Variants in KCTD16 observed in about 807,000 individuals in gnomAD.
The protein encoded by KCTD16 is potassium channel tetramerization domain containing 16.
Under a neutral mutation model 33.2 loss-of-function variants are expected in KCTD16, and 13 were observed. The ratio of observed to expected loss-of-function variants is 0.39; its 90% confidence interval spans 0.25 to 0.62. The LOEUF is 0.62. Among genes scored for constraint, KCTD16 ranks in the 20% least tolerant of loss-of-function variants. The pLI, the probability that KCTD16 is intolerant of heterozygous loss-of-function variation, is 0.50. For synonymous variants in KCTD16, 197 were observed against 195.3 expected (o/e 1.01, Z -0.07); for missense variants, 441 against 525.1 (o/e 0.84, Z 1.57).
intron 3 of KCTD16, among the ~76,000 whole-genome samples, chr5:144,428,070 C>T (rs1753374643): frequency 6.6e-6 from 1 of 152,128 alleles, no homozygotes; most frequent in Non-Finnish European, 1.5e-5. Context: ...AGAGGCTGTG[C>T]ATGCTCCATT....
At chr5:144,390,439 G>A (rs1385118994) in intron 3 of KCTD16, among the ~76,000 whole-genome samples, 2 of 152,118 alleles carry the variant, frequency 1.3e-5, no homozygotes, top group East Asian at 1.9e-4. Context: ...GAGCTGGGGG[G>A]TCAGGCTCTT....
Position 144,206,813 on chromosome 5 carries a change from T to C in KCTD16, c.99T>C (p.Gly33=). 1.2e-6 allele frequency: 2 copies of C among 1,613,886 alleles called. No individual in the cohort carries two copies. Among genetic ancestry groups the C allele is most frequent in the Non-Finnish European group, 1.7e-6 (2 of 1,179,912 alleles). The change falls in exon 3 of 4, where the codon GGT becomes GGC. Residue 33 remains glycine (G), a synonymous_variant. Transcript: ENST00000512467. ...AGGTGGTAGAGCTGAATGTCGGGGG[T>C]CAAGTTTATTTTACTCGCCATTCCA... ...FPEVVELNVG[G]QVYFTRHSTL...
chr5:144,259,522 T>G (rs1157753810), intron 3 of KCTD16, among the ~76,000 whole-genome samples: 1 of 152,188 alleles, frequency 6.6e-6, no homozygotes, highest in Non-Finnish European at 1.5e-5. Context: ...TGTAGCTGGC[T>G]CCCTTTATAC....
chr5:144,385,297 G>A (rs1383248862), intron 3 of KCTD16: 3 of 152,148 alleles, frequency 2.0e-5, no homozygotes, highest in Non-Finnish European at 4.4e-5. Flanking sequence ...GTTGCATAAT[G>A]TCCACAAATC....
intron 3 of KCTD16, among the ~76,000 whole-genome samples, chr5:144,295,057 T>G (rs751266781): frequency 3.3e-5 from 5 of 152,228 alleles, no homozygotes; most frequent in Admixed American, 1.3e-4. Context: ...GGCATGGTCT[T>G]TGACTTGATG....
chr5:144,227,212 G>A (rs1176566732), intron 3 of KCTD16, among the ~76,000 whole-genome samples: 2 of 152,196 alleles, frequency 1.3e-5, no homozygotes, highest in Admixed American at 6.5e-5. Context: ...AGGGATGTGT[G>A]TTGGAATTTT....
chr5:144,456,461 C>A (rs574361816), intron 3 of KCTD16, among the ~76,000 whole-genome samples: 10 of 152,088 alleles, frequency 6.6e-5, no homozygotes, highest in Non-Finnish European at 8.8e-5. Context: ...ATCCCCCTGC[C>A]CCAACACACA....
chr5:144,477,474 A>G lies in KCTD16; in HGVS notation c.*3360A>G, dbSNP rs183968300. The G allele has an allele frequency of 1.3e-5, 2 of 152,236 alleles. No homozygotes were observed. Among genetic ancestry groups the G allele is most frequent in the East Asian group, 3.9e-4 (2 of 5,174 alleles). 9.4% of individuals were successfully genotyped at this position (152,236 alleles called of 1,614,324 possible). A position where few individuals can be genotyped will look rare whatever the true frequency, so the allele number is the denominator to read the frequency against. Reference sequence around the variant, plus strand: ...AACACATTTATTAAGGGATGTTGACATGGAATTTTTCTCTTTTCAATTAGC... The same window carrying G: ...AACACATTTATTAAGGGATGTTGACGTGGAATTTTTCTCTTTTCAATTAGC... On this transcript the variant is annotated 3_prime_UTR_variant, in exon 4 of 4. Coordinates refer to ENST00000512467, the MANE Select transcript of KCTD16 (RefSeq NM_020768.4).
At position 144,219,026 on chromosome 5, in the gene KCTD16, C is replaced by T. The variant is rs115472969; in HGVS notation, c.832+11480C>T. ...ATAAAAGCCTTAGTTCGGTTACTTC[C>T]TATCAGGGCATACTTGGGCAAGTGT... On this transcript the variant is annotated intron_variant, in intron 3 of 3. Coordinates refer to ENST00000512467, the MANE Select transcript of KCTD16 (RefSeq NM_020768.4). Among the ~76,000 whole-genome samples, 470 of 152,188 alleles carry T rather than the reference C, an allele frequency of 3.1e-3. 1 individual carries two copies. Among genetic ancestry groups the T allele is most frequent in the African/African-American group, 0.011 (451 of 41,510 alleles).
chr5:144,409,944 T>C (rs1007388802), intron 3 of KCTD16, among the ~76,000 whole-genome samples: 4 of 152,200 alleles, frequency 2.6e-5, no homozygotes, highest in South Asian at 4.1e-4. Flanking sequence ...GAATATGAGA[T>C]GCCATAGAGA....
chr5:144,357,407 C>T (rs1333040565), intron 3 of KCTD16, among the ~76,000 whole-genome samples: 2 of 152,036 alleles, frequency 1.3e-5, no homozygotes, highest in East Asian at 1.9e-4. Flanking sequence ...TAATCTTAGG[C>T]GATGTAGGAT....
chr5:144,404,171 G>C (rs1414145749), intron 3 of KCTD16, among the ~76,000 whole-genome samples: 1 of 152,186 alleles, frequency 6.6e-6, no homozygotes. Context: ...AAAAGAGTAA[G>C]AGGATGGAAG....
intron 3 of KCTD16, among the ~76,000 whole-genome samples, chr5:144,339,590 G>C (rs1752576676): frequency 6.6e-6 from 1 of 152,222 alleles, no homozygotes; most frequent in East Asian, 1.9e-4. Context: ...CATGTTACTA[G>C]AAATGTACTC....
chr5:144,199,342 A>T (rs1357875767), intron 2 of KCTD16, among the ~76,000 whole-genome samples: 1 of 152,150 alleles, frequency 6.6e-6, no homozygotes. Flanking sequence ...CATAAAGAAG[A>T]CTCCACCAAC....
At chr5:144,452,773 TAAA>T (rs34403827) in intron 3 of KCTD16, among the ~76,000 whole-genome samples, 2 of 109,146 alleles carry the variant, frequency 1.8e-5, no homozygotes, top group South Asian at 2.9e-4. Context: ...CAAGCAAGAA[TAAA>T]AAAAAAAAAA....
intron 3 of KCTD16, among the ~76,000 whole-genome samples, chr5:144,370,417 A>G (rs939310598): frequency 1.6e-4 from 25 of 152,310 alleles, no homozygotes; most frequent in African/African-American, 6.0e-4. Context: ...CTGAAAGCAG[A>G]CTGTGCACTG....
chr5:144,230,570 A>G (rs1172029734), intron 3 of KCTD16, among the ~76,000 whole-genome samples: 3 of 152,286 alleles, frequency 2.0e-5, no homozygotes, highest in Non-Finnish European at 4.4e-5. Flanking sequence ...GATACTGTCT[A>G]AAAAGGCAGG....
At chr5:144,374,267 T>C (rs1289981781) in intron 3 of KCTD16, among the ~76,000 whole-genome samples, 1 of 152,220 alleles carries the variant, frequency 6.6e-6, no homozygotes, top group East Asian at 1.9e-4. Context: ...AAGCACCATC[T>C]AAACTGGAAC....
chr5:144,467,599 C>G (rs1260190025), intron 3 of KCTD16, among the ~76,000 whole-genome samples: 7 of 152,166 alleles, frequency 4.6e-5, no homozygotes, highest in African/African-American at 1.4e-4. Flanking sequence ...GAGGTTGGGA[C>G]TAGCCTGAAA....
Sources: gnomAD v4.1 joint callset for allele counts (sites outside exome capture counted in the v4.1 genomes callset) on GRCh38, gnomAD v4.1.1 for gene constraint, MANE v1.5 for transcripts, NCBI Gene and HGNC (gene_info 2026-07-23, HGNC 2026-07-21) for gene names.